Variants in HDAC9 observed in about 807,000 individuals in gnomAD.
The protein encoded by HDAC9 is histone deacetylase 9.
A neutral mutation model predicts 139.4 loss-of-function variants in HDAC9; 41 were observed. The ratio of observed to expected loss-of-function variants is 0.29; its 90% CI spans 0.23 to 0.38. The LOEUF (loss-of-function observed/expected upper bound fraction) is 0.38, where lower values mean the gene tolerates loss of function less well. Among genes scored for constraint, HDAC9 ranks in the 10% least tolerant of loss-of-function variants. The pLI is 1.00. For missense variants in HDAC9, 1,147 were observed against 1,297.0 expected (o/e 0.88, Z 1.78); for synonymous variants, 517 against 476.2 (o/e 1.09, Z -1.12).
intron 1 of HDAC9, among the ~76,000 whole-genome samples, chr7:18,427,985 A>G (rs1790283259): frequency 6.6e-6 from 1 of 152,124 alleles, no homozygotes. Flanking sequence ...ATCATGCAGT[A>G]TGTGTCCTTC....
chr7:18,802,798 T>C (rs1003271906), intron 17 of HDAC9, among the ~76,000 whole-genome samples: 2 of 151,706 alleles, frequency 1.3e-5, no homozygotes, highest in Non-Finnish European at 3.0e-5. Flanking sequence ...GATATTAATA[T>C]AGCAAAAACA....
chr7:18,273,200 A>G (rs889477266), intron 2 of HDAC9, among the ~76,000 whole-genome samples: 3 of 151,026 alleles, frequency 2.0e-5, no homozygotes, highest in Admixed American at 1.3e-4. Context: ...CTGAGTAGCT[A>G]GGACTACAGG....
chr7:18,608,316 A>G (rs1444702089), intron 6 of HDAC9, among the ~76,000 whole-genome samples: 1 of 152,078 alleles, frequency 6.6e-6, no homozygotes, highest in African/African-American at 2.4e-5. Flanking sequence ...TGGCTTAAGA[A>G]CCATGTTATT....
chr7:18,686,100 T>G (rs898286320), intron 12 of HDAC9, among the ~76,000 whole-genome samples: 1 of 151,940 alleles, frequency 6.6e-6, no homozygotes, highest in Non-Finnish European at 1.5e-5. Context: ...CTGATCCATA[T>G]CCAGAAAGGT....
At chr7:18,397,718 A>G (rs1242284673) in intron 1 of HDAC9, among the ~76,000 whole-genome samples, 2 of 152,186 alleles carry the variant, frequency 1.3e-5, no homozygotes, top group Admixed American at 6.5e-5. Flanking sequence ...TACATTCTCT[A>G]TGACATCCCT....
intron 2 of HDAC9, among the ~76,000 whole-genome samples, chr7:18,267,992 A>G (rs1421617368): frequency 2.6e-5 from 4 of 152,076 alleles, no homozygotes; most frequent in Non-Finnish European, 4.4e-5. Context: ...TTTACATAGT[A>G]CTTGATAGAA....
chr7:18,802,089 T>C (rs1793348694), intron 17 of HDAC9, among the ~76,000 whole-genome samples: 1 of 151,808 alleles, frequency 6.6e-6, no homozygotes, highest in South Asian at 2.1e-4. Flanking sequence ...AGGTCATATA[T>C]TTCTTTTAAT....
At chr7:18,337,508 A>G (rs1483355378) in intron 1 of HDAC9, among the ~76,000 whole-genome samples, 1 of 151,688 alleles carries the variant, frequency 6.6e-6, no homozygotes, top group Non-Finnish European at 1.5e-5. Context: ...TAGACATGTA[A>G]TGAATGTTTT....
At chr7:18,376,891 A>C (rs1388713678) in intron 1 of HDAC9, among the ~76,000 whole-genome samples, 1 of 152,128 alleles carries the variant, frequency 6.6e-6, no homozygotes, top group Non-Finnish European at 1.5e-5. Context: ...TAGCAGCGTA[A>C]CTTAGGTGCT....
chr7:18,554,537 G>T (rs527586183), intron 2 of HDAC9, among the ~76,000 whole-genome samples: 118 of 151,968 alleles, frequency 7.8e-4, no homozygotes, highest in African/African-American at 2.7e-3. Flanking sequence ...GGGTTTCACC[G>T]TGTTAGCCAG....
At chr7:18,096,263 T>TGCTACCCGC (rs1177389740) in intron 1 of HDAC9, among the ~76,000 whole-genome samples, 2 of 152,202 alleles carry the variant, frequency 1.3e-5, no homozygotes, top group East Asian at 3.9e-4. Context: ...TGCCTGCCTG[T>TGCTACCCGC]GCTACCCAGT....
At chr7:18,664,045 C>A (rs1396514785) in intron 11 of HDAC9, among the ~76,000 whole-genome samples, 1 of 152,146 alleles carries the variant, frequency 6.6e-6, no homozygotes, top group Non-Finnish European at 1.5e-5. Flanking sequence ...CTTTCTTAAA[C>A]AGCCAATTAA....
chr7:18,750,050 T>G (rs1465815980), intron 14 of HDAC9, among the ~76,000 whole-genome samples: 1 of 152,144 alleles, frequency 6.6e-6, no homozygotes, highest in Non-Finnish European at 1.5e-5. Flanking sequence ...AAATTCAACT[T>G]AGGTTTAAAC....
In HDAC9 at chr7:18,795,725, T is replaced by A. The variant is rs926779327; in HGVS notation, c.2322+2273T>A. ...AGATGCCATGGGGGAAAAGTAGAACTCACAAATGATTTGGAGCCATAGTAA... is the reference window on the plus strand; with the variant it reads ...AGATGCCATGGGGGAAAAGTAGAACACACAAATGATTTGGAGCCATAGTAA... On this transcript the variant is annotated intron_variant, in intron 17 of 25. Coordinates refer to ENST00000686413, the MANE Select transcript of HDAC9 (RefSeq NM_178425.4). Among the ~76,000 whole-genome samples the A allele has an allele frequency of 2.0e-4, 30 of 152,166 alleles. 1 individual carries two copies. Among genetic ancestry groups the A allele is most frequent in the Admixed American group, 2.0e-3 (30 of 15,280 alleles).
At chr7:18,407,229 A>G (rs1021769391) in intron 1 of HDAC9, among the ~76,000 whole-genome samples, 1 of 152,040 alleles carries the variant, frequency 6.6e-6, no homozygotes, top group Non-Finnish European at 1.5e-5. Flanking sequence ...CTATTTATTG[A>G]GTTCTTTGCT....
chr7:18,867,337 G>C (rs550316812), intron 21 of HDAC9, among the ~76,000 whole-genome samples: 1 of 152,244 alleles, frequency 6.6e-6, no homozygotes, highest in East Asian at 1.9e-4. Context: ...TCCAGTACTT[G>C]GTCCCATGCC....
At chr7:18,963,679 C>T (rs1052459932) in intron 24 of HDAC9, among the ~76,000 whole-genome samples, 1 of 152,092 alleles carries the variant, frequency 6.6e-6, no homozygotes, top group Non-Finnish European at 1.5e-5. Flanking sequence ...AAGACATAAA[C>T]TCCTATGGAT....
At chr7:18,098,926 T>G (rs1413526758) in intron 1 of HDAC9, among the ~76,000 whole-genome samples, 1 of 152,166 alleles carries the variant, frequency 6.6e-6, no homozygotes, top group Non-Finnish European at 1.5e-5. Context: ...CTTTGTTATC[T>G]TCTTTCCCAA....
In HDAC9 at chr7:18,210,177, T is replaced by C. The variant is rs150566468; in HGVS notation, c.25+47828T>C. On this transcript the variant is annotated intron_variant, in intron 2 of 12. Coordinates refer to the HDAC9 transcript ENST00000417496. Reference sequence around the variant, plus strand: ...CATTGGGCATTTATTGGGTACCTAGTATAATCCAGATATTCTGTGGTGTTC... The same window carrying C: ...CATTGGGCATTTATTGGGTACCTAGCATAATCCAGATATTCTGTGGTGTTC... Among the ~76,000 whole-genome samples, 1,411 of 152,330 alleles carry C rather than the reference T, an allele frequency of 9.3e-3. 24 individuals carry two copies. The highest frequency in any genetic ancestry group is 0.032 in the African/African-American group (1,331 of 41,578).
Sources: allele counts gnomAD v4.1 joint callset (sites outside exome capture counted in the v4.1 genomes callset), GRCh38; gene constraint gnomAD v4.1.1; transcripts MANE v1.5; gene names NCBI Gene and HGNC (gene_info 2026-07-23, HGNC 2026-07-21).